Variants in ZNF521 observed in about 807,000 individuals in gnomAD.
The protein encoded by ZNF521 is zinc finger protein 521.
ZNF521 carries 14 observed loss-of-function variants against 105.5 expected under a neutral mutation model. The observed-to-expected ratio is 0.13, with a 90% CI of 0.09 to 0.21. The LOEUF is 0.21. Ranked by LOEUF, ZNF521 falls within the 10% of genes least tolerant of loss-of-function variation. The probability of loss-of-function intolerance (pLI) is 1.00; values close to 1 mark genes in which losing one functional copy is unlikely to be tolerated. For missense variants in ZNF521, 1,233 were observed against 1,629.7 expected (o/e 0.76, Z 4.19); for synonymous variants, 635 against 606.0 (o/e 1.05, Z -0.70).
rs989828169 is a variant in ZNF521 at position 25,074,036 on chromosome 18, ATGTG to A, written c.3907-11299_3907-11296del. On this transcript the variant is annotated intron_variant, in intron 7 of 7. Coordinates refer to ENST00000361524, the MANE Select transcript of ZNF521 (RefSeq NM_015461.3). ...CCTCCTGAGAGGTGTGTGTGCGTGCATGTGTGTGTCTGTGCACATGTGTGCGCAC... is the reference window on the plus strand; with the variant it reads ...CCTCCTGAGAGGTGTGTGTGCGTGCATGTGTCTGTGCACATGTGTGCGCAC... Among the ~76,000 whole-genome samples the A allele has an allele frequency of 1.7e-4, 24 of 142,080 alleles. No homozygotes were observed. The South Asian group carries it at 3.2e-3, about 19-fold the overall frequency. 93.2% of individuals were successfully genotyped at this position (142,080 alleles called of 152,430 possible).
chr18:25,262,326 TAC>T (rs1908966814), intron 3 of ZNF521, among the ~76,000 whole-genome samples: 1 of 152,246 alleles, frequency 6.6e-6, no homozygotes, highest in Admixed American at 6.5e-5. Context: ...CATGGTATAG[TAC>T]TCTTTTATAG....
intron 3 of ZNF521, among the ~76,000 whole-genome samples, chr18:25,305,617 C>A (rs899395120): frequency 6.6e-6 from 1 of 152,036 alleles, no homozygotes; most frequent in Non-Finnish European, 1.5e-5. Flanking sequence ...GTAATGAATG[C>A]AATTAAACTA....
intron 3 of ZNF521, among the ~76,000 whole-genome samples, chr18:25,256,543 C>T (rs1600221154): frequency 6.6e-6 from 1 of 152,086 alleles, no homozygotes; most frequent in East Asian, 1.9e-4. Context: ...TATGCAGTTG[C>T]ATTCCAAATG....
rs149660551 is a variant in ZNF521 at position 25,309,667 on chromosome 18, A to G, written c.220+12341T>C. Among the ~76,000 whole-genome samples, 610 of 152,340 alleles carry G rather than the reference A, an allele frequency of 4.0e-3. 16 individuals carry two copies. Among genetic ancestry groups the G allele is most frequent in the Admixed American group, 0.037 (572 of 15,304 alleles). ...TTTTGCATAGAAAATAAAATTAGGTATAAGAAATAGTAAGTATATAATAGA... is the reference window on the plus strand; with the variant it reads ...TTTTGCATAGAAAATAAAATTAGGTGTAAGAAATAGTAAGTATATAATAGA... On this transcript the variant is annotated intron_variant, in intron 3 of 7. Coordinates refer to ENST00000361524, the MANE Select transcript of ZNF521 (RefSeq NM_015461.3).
chr18:25,335,465 C>A (rs2145190002), intron 2 of ZNF521, among the ~76,000 whole-genome samples: 1 of 152,286 alleles, frequency 6.6e-6, no homozygotes, highest in East Asian at 1.9e-4. Flanking sequence ...CCTGGCTGAC[C>A]TTTCGGGAAA....
intron 4 of ZNF521, among the ~76,000 whole-genome samples, chr18:25,211,743 A>T (rs987656176): frequency 1.3e-5 from 2 of 152,134 alleles, no homozygotes; most frequent in Non-Finnish European, 2.9e-5. Context: ...GTTGCTGAAC[A>T]TATTTTATTT....
At chr18:25,085,538 T>G (rs891444366) in intron 7 of ZNF521, among the ~76,000 whole-genome samples, 1 of 151,906 alleles carries the variant, frequency 6.6e-6, no homozygotes, top group Non-Finnish European at 1.5e-5. Context: ...ACTGGCTTTG[T>G]AGGCAATGCA....
chr18:25,280,503 A>T (rs1910297867), intron 3 of ZNF521, among the ~76,000 whole-genome samples: 1 of 152,104 alleles, frequency 6.6e-6, no homozygotes, highest in South Asian at 2.1e-4. Context: ...AATAATCATT[A>T]CCTGATGACA....
intron 4 of ZNF521, among the ~76,000 whole-genome samples, chr18:25,220,469 T>C (rs991963809): frequency 6.6e-6 from 1 of 152,092 alleles, no homozygotes; most frequent in African/African-American, 2.4e-5. Context: ...GGAAAGAGAA[T>C]CCTGAACCTG....
At chr18:25,291,544 C>G (rs1219164123) in intron 3 of ZNF521, among the ~76,000 whole-genome samples, 1 of 152,110 alleles carries the variant, frequency 6.6e-6, no homozygotes, top group Non-Finnish European at 1.5e-5. Context: ...TCATAGGAAG[C>G]CTAATTTCCT....
intron 4 of ZNF521, among the ~76,000 whole-genome samples, chr18:25,221,919 T>C (rs1905750034): frequency 6.6e-6 from 1 of 152,190 alleles, no homozygotes; most frequent in Non-Finnish European, 1.5e-5. Context: ...TTAGTCTAAA[T>C]AATATGGTAT....
At chr18:25,167,418 T>G (rs1255865889) in intron 5 of ZNF521, among the ~76,000 whole-genome samples, 1 of 152,148 alleles carries the variant, frequency 6.6e-6, no homozygotes, top group Non-Finnish European at 1.5e-5. Context: ...ATGACAGAAG[T>G]GTTTTAGGAA....
chr18:25,231,494 C>A (rs1906524564), intron 3 of ZNF521: 1 of 152,168 alleles, frequency 6.6e-6, no homozygotes, highest in Admixed American at 6.5e-5. Context: ...GCCATCAGCC[C>A]CTCGTGTGCC....
intron 3 of ZNF521, among the ~76,000 whole-genome samples, chr18:25,251,298 AT>A (rs1723369926): frequency 6.6e-6 from 1 of 152,182 alleles, no homozygotes; most frequent in Non-Finnish European, 1.5e-5. Flanking sequence ...AAAACTGCAG[AT>A]GTCTTCTTAT....
chr18:25,148,936 T>C (rs2034995503), intron 5 of ZNF521, among the ~76,000 whole-genome samples: 1 of 152,236 alleles, frequency 6.6e-6, no homozygotes, highest in South Asian at 2.1e-4. Flanking sequence ...GCTTCTGTTA[T>C]GTCCCTTTTC....
At chr18:25,077,825 G>A (rs747138003) in intron 7 of ZNF521, among the ~76,000 whole-genome samples, 1 of 152,100 alleles carries the variant, frequency 6.6e-6, no homozygotes, top group Non-Finnish European at 1.5e-5. Context: ...GGAAGACAAC[G>A]AAGAAGAGGG....
intron 3 of ZNF521, among the ~76,000 whole-genome samples, chr18:25,264,436 T>G (rs1178787946): frequency 2.6e-5 from 4 of 152,248 alleles, no homozygotes; most frequent in African/African-American, 9.6e-5. Context: ...CCCATTTTAA[T>G]TCTTGTTTCA....
At position 25,239,419 on chromosome 18, in the gene ZNF521, T is replaced by C. The variant is rs535206714; in HGVS notation, c.221-11722A>G. Among the ~76,000 whole-genome samples, 242 of 152,356 alleles carry C rather than the reference T, an allele frequency of 1.6e-3. 1 individual carries two copies. Among genetic ancestry groups the C allele is most frequent in the African/African-American group, 5.6e-3 (234 of 41,590 alleles). ...TGAAAAAGTCTGTCTGCTAAACTTT[T>C]GTTGATGATTACTTTCAAGCTGCGT... On this transcript the variant is annotated intron_variant, in intron 3 of 7. Transcript: ENST00000361524.
Position 25,225,735 on chromosome 18 carries a change from T to C in ZNF521, c.2183A>G (p.Gln728Arg), listed in dbSNP as rs1906076323. 1.2e-6 allele frequency: 2 copies of C among 1,614,090 alleles called. No individual in the cohort carries two copies. The highest frequency in any genetic ancestry group is 1.7e-6 in the Non-Finnish European group (2 of 1,180,030). ...TFVFFRCTLC[Q>R]EVFDSKVSIQ... is the part of the protein sequence containing the mutation. Reference sequence around the variant, plus strand: ...GGAGACTTTTGAGTCAAAAACTTCCTGGCAGAGGGTGCAGCGAAAGAAGAC... The same window carrying C: ...GGAGACTTTTGAGTCAAAAACTTCCCGGCAGAGGGTGCAGCGAAAGAAGAC... Residue 728 changes from glutamine (Q) to arginine (R), a missense_variant, in exon 4 of 8, where the codon CAG becomes CGG. Transcript: ENST00000361524. This position sits in a 1 kb window ranked among gnomAD's most constrained non-coding sequence, Gnocchi z 5.6.
Sources: allele counts gnomAD v4.1 joint callset (sites outside exome capture counted in the v4.1 genomes callset), GRCh38; gene constraint gnomAD v4.1.1; non-coding constraint Gnocchi (gnomAD v3.1); transcripts MANE v1.5; gene names NCBI Gene and HGNC (gene_info 2026-07-23, HGNC 2026-07-21).